The following NPRL3 variants were observed in gnomAD, a reference collection of about 807,000 sequenced individuals.
The protein encoded by NPRL3 is NPR3 like, GATOR1 complex subunit.
A neutral mutation model predicts 57.2 loss-of-function variants in NPRL3; 23 were observed. The observed-to-expected ratio is 0.40, with a 90% CI of 0.29 to 0.57. NPRL3 has a LOEUF of 0.57. Among genes scored for constraint, NPRL3 ranks in the 20% least tolerant of loss-of-function variants. The pLI is 0.42. For synonymous variants in NPRL3, 333 were observed against 321.1 expected (o/e 1.04, Z -0.39); for missense variants, 691 against 767.1 (o/e 0.90, Z 1.17).
chr16:95,385 A>ACACACACACACACACACACACACAC (rs1567132382), intron 9 of NPRL3, among the ~76,000 whole-genome samples: 1 of 143,096 alleles, frequency 7.0e-6, no homozygotes, highest in African/African-American at 2.5e-5. Context: ...ACACACACAC[A>ACACACACACACACACACACACACAC]ATAAAATGTA....
At chr16:90,541 G>C (rs1266209095) in intron 11 of NPRL3, 3 of 152,582 alleles carry the variant, frequency 2.0e-5, no homozygotes, top group African/African-American at 7.2e-5. Flanking sequence ...GGGTTAGCAG[G>C]TGGGGCTGGC....
At chr16:114,631 TG>T in intron 5 of NPRL3, among the ~76,000 whole-genome samples, 1 of 152,342 alleles carries the variant, frequency 6.6e-6, no homozygotes, top group East Asian at 1.9e-4. Flanking sequence ...CTAGCTGGGC[TG>T]GGTTTGCATC....
chr16:106,021 C>A (rs1430259693), intron 7 of NPRL3, among the ~76,000 whole-genome samples: 3 of 152,168 alleles, frequency 2.0e-5, no homozygotes, highest in Non-Finnish European at 4.4e-5. Context: ...ATTAAAATAG[C>A]AACTGGGGAC....
intron 13 of NPRL3, 24 bp from the exon 14 acceptor site, chr16:86,894 G>T: frequency 6.2e-7 from 1 of 1,604,044 alleles, no homozygotes; most frequent in Non-Finnish European, 8.5e-7. Flanking sequence ...GTGGGTGTGA[G>T]CCCAACCTGA....
intron 11 of NPRL3, chr16:91,096 A>T (rs990096838): frequency 6.6e-6 from 1 of 152,086 alleles, no homozygotes; most frequent in East Asian, 1.9e-4. Context: ...ATAAAAAAAA[A>T]GCTGGGCGTA....
chr16:116,041 C>T (rs1026849421), intron 5 of NPRL3, among the ~76,000 whole-genome samples: 3 of 152,182 alleles, frequency 2.0e-5, no homozygotes, highest in South Asian at 2.1e-4. Flanking sequence ...TGATAATACT[C>T]CTAACAGTGG....
intron 2 of NPRL3, among the ~76,000 whole-genome samples, chr16:131,104 G>A (rs536427381): frequency 1.3e-5 from 2 of 152,364 alleles, no homozygotes; most frequent in Non-Finnish European, 1.5e-5. Flanking sequence ...GGAGGCCAAG[G>A]TGGGTGGATC....
At chr16:87,360 G>C (rs1898524305) in intron 13 of NPRL3, among the ~76,000 whole-genome samples, 1 of 151,654 alleles carries the variant, frequency 6.6e-6, no homozygotes, top group Non-Finnish European at 1.5e-5. Flanking sequence ...AGCTTCCCAG[G>C]TAAGCTGGGA....
At chr16:126,254 TA>T (rs548349217) in intron 3 of NPRL3, 9,744 of 138,492 alleles carry the variant, frequency 0.07, 1,011 homozygotes, top group African/African-American at 0.23. Context: ...AACCCTCTGT[TA>T]AAAAAAAAAA....
chr16:89,777 G>A lies in NPRL3; in HGVS notation c.1287C>T (p.Pro429=). The A allele has an allele frequency of 6.2e-7, 1 of 1,601,230 alleles. No individual in the cohort carries two copies. The highest frequency in any genetic ancestry group is 1.1e-5 in the South Asian group (1 of 89,122). ...TGCGACCGCCGACCCGGGCAGTGAAGGGGACGTCGTCCTCTCGCGGACGGG... is the reference window on the plus strand; with the variant it reads ...TGCGACCGCCGACCCGGGCAGTGAAAGGGACGTCGTCCTCTCGCGGACGGG... ...EEPRPREDDV[P]FTARVGGRSL... is the part of the protein sequence containing the mutation. The change falls in exon 12 of 14, where the codon CCC becomes CCT. Residue 429 remains proline (P), a synonymous_variant. Transcript: ENST00000611875.
intron 3 of NPRL3, among the ~76,000 whole-genome samples, chr16:122,672 A>C (rs944323649): frequency 1.3e-5 from 2 of 152,248 alleles, no homozygotes; most frequent in Non-Finnish European, 2.9e-5. Flanking sequence ...ACATTTAGGA[A>C]GATGAACCAG....
At chr16:126,447 T>TAATTAA (rs1420915643) in intron 3 of NPRL3, 1 of 140,982 alleles carries the variant, frequency 7.1e-6, no homozygotes, top group Non-Finnish European at 1.5e-5. Flanking sequence ...ATAATAATAA[T>TAATTAA]TAATAATAAT....
intron 7 of NPRL3, among the ~76,000 whole-genome samples, chr16:106,494 C>T (rs548029907): frequency 6.6e-6 from 1 of 151,582 alleles, no homozygotes; most frequent in Non-Finnish European, 1.5e-5. Flanking sequence ...ACTATTCAGG[C>T]GTGGGGGCGG....
At chr16:124,002 G>A (rs1596533222) in intron 3 of NPRL3, among the ~76,000 whole-genome samples, 1 of 119,112 alleles carries the variant, frequency 8.4e-6, no homozygotes, top group African/African-American at 3.2e-5. Flanking sequence ...CCCACGCTGA[G>A]AAACAGGGTC....
chr16:94,716 G>C (rs1442489346), intron 9 of NPRL3, among the ~76,000 whole-genome samples: 1 of 152,098 alleles, frequency 6.6e-6, no homozygotes, highest in Non-Finnish European at 1.5e-5. Flanking sequence ...TGTGCGAGTA[G>C]TGCCCCCAAT....
intron 4 of NPRL3, among the ~76,000 whole-genome samples, chr16:117,951 C>T (rs185904311): frequency 6.6e-6 from 1 of 152,334 alleles, no homozygotes; most frequent in Admixed American, 6.5e-5. Flanking sequence ...GAGTTGGGGC[C>T]CCAGGCTGCC....
In NPRL3 at chr16:89,832, C is replaced by A. The variant is rs769281225; in HGVS notation, c.1232G>T (p.Cys411Phe). 5.1e-6 allele frequency: 8 copies of A among 1,582,600 alleles called. No individual in the cohort carries two copies. The highest frequency in any genetic ancestry group is 6.0e-6 in the Non-Finnish European group (7 of 1,165,942). The change falls in exon 12 of 14, where the codon TGC becomes TTC. Residue 411 changes from cysteine to phenylalanine, a missense_variant. By Grantham distance (205) the Cys-to-Phe change is radical (BLOSUM62 -2). Transcript: ENST00000611875. The stretch of plus-strand genomic sequence containing the variant: ...CTCCTCGCTGGGTGAGGCCATCAGG[C>A]AGACATAGGTGTGCAGCTGGATGAG... ...RLLIQLHTYV[C>F]LMASPSEEEP...
rs138264199 is a variant in NPRL3 at position 134,287 on chromosome 16, G to A, written c.119-3696C>T. 5.4e-3 allele frequency among the ~76,000 whole-genome samples: 823 copies of A among 151,854 alleles called. 10 individuals carry two copies. The highest frequency in any genetic ancestry group is 0.019 in the African/African-American group (777 of 41,378). ...TGACAATTAGGTTGGAAAAAGCATA[G>A]GCAAAATAAAAAAAATTTAAATGTA... On this transcript the variant is annotated intron_variant, in intron 2 of 13. Coordinates refer to ENST00000611875, the MANE Select transcript of NPRL3 (RefSeq NM_001077350.3).
At chr16:90,549 G>C (rs1416105771) in intron 11 of NPRL3, 2 of 152,632 alleles carry the variant, frequency 1.3e-5, no homozygotes, top group Non-Finnish European at 2.9e-5. Flanking sequence ...AGGTGGGGCT[G>C]GCAGTGAGGA....
Sources: allele counts gnomAD v4.1 joint callset (sites outside exome capture counted in the v4.1 genomes callset), GRCh38; gene constraint gnomAD v4.1.1; transcripts MANE v1.5; gene names NCBI Gene and HGNC (gene_info 2026-07-23, HGNC 2026-07-21).